The following LRRC7 variants were observed in gnomAD, a reference collection of about 807,000 sequenced individuals.
LRRC7 encodes the protein leucine-rich repeat-containing protein 7.
Under a neutral mutation model 175.7 loss-of-function variants are expected in LRRC7, and 23 were observed. The observed-to-expected ratio is 0.13, with a 90% CI of 0.09 to 0.19. LRRC7 has a LOEUF of 0.19. Ranked by LOEUF, LRRC7 falls within the 10% of genes least tolerant of loss-of-function variation. The pLI, the probability that LRRC7 is intolerant of heterozygous loss-of-function variation, is 1.00. For synonymous variants in LRRC7, 685 were observed against 680.9 expected (o/e 1.01, Z -0.09); for missense variants, 1,354 against 1,904.7 (o/e 0.71, Z 5.38).
intron 4 of LRRC7, among the ~76,000 whole-genome samples, chr1:69,804,688 T>A (rs563249108): frequency 6.6e-6 from 1 of 151,752 alleles, no homozygotes; most frequent in African/African-American, 2.4e-5. Flanking sequence ...TATAAGTAAA[T>A]GCATCAGCTT....
intron 11 of LRRC7, among the ~76,000 whole-genome samples, chr1:70,005,748 T>C (rs1295042892): frequency 6.6e-6 from 1 of 152,224 alleles, no homozygotes; most frequent in Non-Finnish European, 1.5e-5. Context: ...ACTTATTGTG[T>C]GGCCCCTGCA....
chr1:69,985,091 A>G (rs942829803), intron 9 of LRRC7, among the ~76,000 whole-genome samples: 1 of 152,160 alleles, frequency 6.6e-6, no homozygotes, highest in Non-Finnish European at 1.5e-5. Context: ...GTTCTGTGGC[A>G]TTCACTACAT....
intron 4 of LRRC7, among the ~76,000 whole-genome samples, chr1:69,793,159 C>A (rs1037100904): frequency 1.4e-4 from 21 of 152,034 alleles, no homozygotes; most frequent in African/African-American, 4.8e-4. Flanking sequence ...AGTTTACGTT[C>A]AAGTGGGTTG....
At chr1:69,720,011 A>G (rs1740912) in intron 2 of LRRC7, among the ~76,000 whole-genome samples, 66,420 of 151,148 alleles carry the variant, frequency 0.44, 14,858 homozygotes, top group Admixed American at 0.5. Context: ...TTATATTTAC[A>G]ATCTCTTGTA....
At chr1:69,601,402 A>G (rs144094856) in intron 1 of LRRC7, among the ~76,000 whole-genome samples, 48 of 152,238 alleles carry the variant, frequency 3.2e-4, no homozygotes, top group African/African-American at 1.0e-3. Flanking sequence ...TCCCCGTCCA[A>G]CAGTAAGAAA....
At chr1:69,677,252 A>G (rs542175109) in intron 1 of LRRC7, among the ~76,000 whole-genome samples, 1 of 109,386 alleles carries the variant, frequency 9.1e-6, no homozygotes, top group Non-Finnish European at 1.9e-5. Context: ...TTATATATAT[A>G]TCATATATAT....
At chr1:69,857,754 A>T (rs931246901) in intron 7 of LRRC7, among the ~76,000 whole-genome samples, 9 of 152,198 alleles carry the variant, frequency 5.9e-5, no homozygotes, top group Admixed American at 5.9e-4. Context: ...GAATTGGAAA[A>T]AGCTACTTTA....
chr1:69,921,111 G>A (rs1646875761), intron 7 of LRRC7, among the ~76,000 whole-genome samples: 1 of 152,114 alleles, frequency 6.6e-6, no homozygotes, highest in Non-Finnish European at 1.5e-5. Context: ...TGGGTATCTT[G>A]AAACATATTT....
chr1:69,804,563 A>C (rs1346689295), intron 4 of LRRC7, among the ~76,000 whole-genome samples: 1 of 151,628 alleles, frequency 6.6e-6, no homozygotes, highest in African/African-American at 2.4e-5. Flanking sequence ...GGTTAGTTTT[A>C]CTAAAACCTG....
At chr1:69,824,301 T>A (rs1210105293) in intron 4 of LRRC7, among the ~76,000 whole-genome samples, 1 of 152,168 alleles carries the variant, frequency 6.6e-6, no homozygotes, top group East Asian at 1.9e-4. Flanking sequence ...AAGAATTTTA[T>A]GGGAAAATGT....
chr1:70,016,196 A>G (rs1481573921), intron 13 of LRRC7, among the ~76,000 whole-genome samples: 1 of 152,178 alleles, frequency 6.6e-6, no homozygotes, highest in Non-Finnish European at 1.5e-5. Context: ...AGTTGCAGAT[A>G]AACTTCTGGA....
intron 1 of LRRC7, among the ~76,000 whole-genome samples, chr1:69,571,091 C>T (rs1212307885): frequency 2.0e-5 from 3 of 152,098 alleles, no homozygotes; most frequent in Non-Finnish European, 2.9e-5. Context: ...ATAAGAAAAA[C>T]AGTCAATTTT....
intron 3 of LRRC7, among the ~76,000 whole-genome samples, chr1:69,788,012 C>G (rs901161541): frequency 6.6e-6 from 1 of 151,536 alleles, no homozygotes; most frequent in African/African-American, 2.4e-5. Flanking sequence ...TCCTTCTTTT[C>G]TTCCTTTTTC....
At chr1:70,010,809 G>A (rs1656435417) in intron 11 of LRRC7, among the ~76,000 whole-genome samples, 2 of 152,234 alleles carry the variant, frequency 1.3e-5, no homozygotes, top group Non-Finnish European at 2.9e-5. Context: ...ACCAGGCATT[G>A]AAGTGTCTTG....
At chr1:70,031,024 G>T (rs1658662051) in intron 18 of LRRC7, 1 of 152,168 alleles carries the variant, frequency 6.6e-6, no homozygotes, top group African/African-American at 2.4e-5. Context: ...CAGCTTAAAG[G>T]CCACCTCAGC....
intron 7 of LRRC7, among the ~76,000 whole-genome samples, chr1:69,901,218 G>C (rs1366172512): frequency 6.6e-6 from 1 of 151,964 alleles, no homozygotes; most frequent in Non-Finnish European, 1.5e-5. Flanking sequence ...AAGTAAGAAG[G>C]GCAAAACTAA....
intron 2 of LRRC7, among the ~76,000 whole-genome samples, chr1:69,693,159 G>T (rs956067685): frequency 2.6e-5 from 4 of 152,110 alleles, no homozygotes; most frequent in African/African-American, 9.7e-5. Context: ...ATAATTGGTT[G>T]AACCAATTCC....
chr1:69,583,362 C>A (rs867432886), intron 1 of LRRC7, among the ~76,000 whole-genome samples: 25 of 151,982 alleles, frequency 1.6e-4, no homozygotes, highest in African/African-American at 5.5e-4. Context: ...TAATTAAATT[C>A]TTCAGAAGTA....
intron 18 of LRRC7, among the ~76,000 whole-genome samples, chr1:70,032,834 G>A (rs1162702529): frequency 1.3e-5 from 2 of 152,060 alleles, no homozygotes; most frequent in Non-Finnish European, 2.9e-5. Context: ...ACAGTGGAAG[G>A]GCAATTGTGA....
Sources: gnomAD v4.1 joint callset for allele counts (sites outside exome capture counted in the v4.1 genomes callset) on GRCh38, gnomAD v4.1.1 for gene constraint, MANE v1.5 for transcripts, NCBI Gene and HGNC (gene_info 2026-07-23, HGNC 2026-07-21) for gene names.